Variants in IL17B observed in about 807,000 individuals in gnomAD.
IL17B encodes the protein interleukin-17B.
In IL17B, 14 loss-of-function variants were observed where a neutral mutation model predicts 14.7. The ratio of observed to expected loss-of-function variants is 0.95; its 90% CI spans 0.63 to 1.49. The LOEUF (loss-of-function observed/expected upper bound fraction) is 1.49. Among genes scored for constraint, IL17B ranks in the 40% most tolerant of loss-of-function variants. The pLI, the probability that IL17B is intolerant of heterozygous loss-of-function variation, is 0.00. For missense variants in IL17B, 233 were observed against 252.8 expected (o/e 0.92, Z 0.53); for synonymous variants, 105 against 94.8 (o/e 1.11, Z -0.62).
chr5:149,390,054 C>T (rs772040055), intron 1 of IL17B, among the ~76,000 whole-genome samples: 1 of 152,168 alleles, frequency 6.6e-6, no homozygotes, highest in Non-Finnish European at 1.5e-5. Flanking sequence ...AACCGAGTTG[C>T]TCCCAGTTGG....
intron 1 of IL17B, among the ~76,000 whole-genome samples, chr5:149,403,186 G>A (rs1465835752): frequency 1.3e-5 from 2 of 151,972 alleles, no homozygotes; most frequent in Non-Finnish European, 2.9e-5. Context: ...CCAGGCTCAA[G>A]TGATCCTCCC....
intron 1 of IL17B, among the ~76,000 whole-genome samples, chr5:149,384,909 CTTTTT>C (rs531690396): frequency 7.6e-6 from 1 of 131,780 alleles, no homozygotes; most frequent in Non-Finnish European, 1.6e-5. Context: ...GGTTGTTGAG[CTTTTT>C]TTTTTTTTTT....
At chr5:149,376,656 G>T in intron 2 of IL17B, 80 bp downstream of exon 2, 1 of 1,508,382 alleles carries the variant, frequency 6.6e-7, no homozygotes, top group South Asian at 1.3e-5. Context: ...CTGAATCTGA[G>T]ATCTTAACCA....
chr5:149,394,778 C>T (rs535738087), intron 1 of IL17B, among the ~76,000 whole-genome samples: 2 of 152,296 alleles, frequency 1.3e-5, no homozygotes, highest in African/African-American at 2.4e-5. Context: ...GAATACATCA[C>T]ACTCATTTCC....
At chr5:149,386,921 G>A (rs1333241270) in intron 1 of IL17B, among the ~76,000 whole-genome samples, 2 of 152,184 alleles carry the variant, frequency 1.3e-5, no homozygotes, top group African/African-American at 4.8e-5. Flanking sequence ...GGCCAGGCTG[G>A]TCTTGAACTC....
chr5:149,391,911 C>CT (rs896148184), intron 1 of IL17B, among the ~76,000 whole-genome samples: 38 of 152,320 alleles, frequency 2.5e-4, no homozygotes, highest in African/African-American at 8.7e-4. Flanking sequence ...CTACAGTTCC[C>CT]AGGCCTCCTC....
upstream of IL17B, among the ~76,000 whole-genome samples, chr5:149,379,940 G>A (rs539946530): frequency 3.5e-4 from 54 of 152,260 alleles, no homozygotes; most frequent in African/African-American, 1.2e-3. Flanking sequence ...GAGACTTTCC[G>A]CACAATTTCA....
chr5:149,395,066 C>G (rs989913171), intron 1 of IL17B, among the ~76,000 whole-genome samples: 1 of 152,078 alleles, frequency 6.6e-6, no homozygotes, highest in Non-Finnish European at 1.5e-5. Flanking sequence ...TCTTTGTGTC[C>G]ATGTGTTCTC....
At chr5:149,377,138 T>G in intron 1 of IL17B, 113 bp from the exon 2 acceptor site, 7 of 832,268 alleles carry the variant, frequency 8.4e-6, no homozygotes, top group Non-Finnish European at 1.3e-5. Context: ...GGCTCAGGTC[T>G]GACTCTGCCT....
At chr5:149,396,730 T>C (rs1759099029) in intron 1 of IL17B, among the ~76,000 whole-genome samples, 1 of 152,102 alleles carries the variant, frequency 6.6e-6, no homozygotes, top group South Asian at 2.1e-4. Flanking sequence ...ACCATTGCAC[T>C]CCAACCTGGG....
chr5:149,388,330 T>C (rs1373220546), intron 1 of IL17B, among the ~76,000 whole-genome samples: 1 of 152,196 alleles, frequency 6.6e-6, no homozygotes, highest in Non-Finnish European at 1.5e-5. Context: ...GATTCCCTTG[T>C]ATTCTATCCC....
At position 149,377,032 on chromosome 5, in the gene IL17B, A is replaced by T. The variant is rs776102286; in HGVS notation, c.22-7T>A. 1 of 1,535,978 alleles carries T rather than the reference A, an allele frequency of 6.5e-7. No homozygotes were observed. The highest frequency in any genetic ancestry group is 1.4e-5 in the African/African-American group (1 of 72,114). ...AAATGGTAAGAAGAAACAGCTGGGGAGGAAAGCCACAGGTCAAAGGTGGGA... is the reference window on the plus strand; with the variant it reads ...AAATGGTAAGAAGAAACAGCTGGGGTGGAAAGCCACAGGTCAAAGGTGGGA... On this transcript the variant is annotated splice_polypyrimidine_tract_variant and splice_region_variant and intron_variant, in intron 1 of 2. Transcript: ENST00000261796.
intron 1 of IL17B, among the ~76,000 whole-genome samples, chr5:149,392,281 G>C (rs353259): frequency 6.6e-6 from 1 of 151,982 alleles, no homozygotes. Flanking sequence ...TTTCTATCTT[G>C]TATTTGTGTT....
chr5:149,382,066 GCCACTAGAAA>G (rs1758712656), upstream of IL17B, among the ~76,000 whole-genome samples: 1 of 152,236 alleles, frequency 6.6e-6, no homozygotes, highest in African/African-American at 2.4e-5. Flanking sequence ...AGCAGATGGC[GCCACTAGAAA>G]GCCAGCCAAC....
At chr5:149,381,271 T>G (rs1183331609), upstream of IL17B, among the ~76,000 whole-genome samples, 5 of 152,152 alleles carry the variant, frequency 3.3e-5, no homozygotes, top group Non-Finnish European at 5.9e-5. Context: ...GCTGCAGTGC[T>G]TGCTACTTTA....
intron 1 of IL17B, among the ~76,000 whole-genome samples, chr5:149,391,306 T>TA (rs1468790010): frequency 6.6e-6 from 1 of 151,922 alleles, no homozygotes; most frequent in Non-Finnish European, 1.5e-5. Context: ...TAACTCTGGG[T>TA]GGGATGGTCC....
intron 1 of IL17B, among the ~76,000 whole-genome samples, chr5:149,394,313 A>C (rs1177735271): frequency 1.3e-5 from 2 of 152,234 alleles, no homozygotes; most frequent in Non-Finnish European, 2.9e-5. Context: ...CATGACAGAC[A>C]ATCTGAGTCT....
rs867128590 is a variant in IL17B, at chr5:149,395,926, G to C, written n.95+8182C>G. Among the ~76,000 whole-genome samples, 1,213 of 152,254 alleles carry C rather than the reference G, an allele frequency of 8.0e-3. 10 individuals carry two copies. Among genetic ancestry groups the C allele is most frequent in the African/African-American group, 0.028 (1,153 of 41,532 alleles). On this transcript the variant is annotated intron_variant and non_coding_transcript_variant, in intron 1 of 2. Transcript: ENST00000505432. ...GGCCTCAAGTGATCCACCCACCTCG[G>C]CTTCCCCAGAGTACTGGGATTACAA...
At chr5:149,376,517 C>T (rs1019741687) in intron 2 of IL17B, among the ~76,000 whole-genome samples, 1 of 152,244 alleles carries the variant, frequency 6.6e-6, no homozygotes, top group Non-Finnish European at 1.5e-5. Context: ...CTTAACAAGA[C>T]TCTGAGGTAC....
Sources: gnomAD v4.1 joint callset for allele counts (sites outside exome capture counted in the v4.1 genomes callset) on GRCh38, gnomAD v4.1.1 for gene constraint, MANE v1.5 for transcripts, NCBI Gene and HGNC (gene_info 2026-07-23, HGNC 2026-07-21) for gene names.